Variants in DLG2 observed in about 807,000 individuals in gnomAD.
DLG2 encodes disks large homolog 2.
A neutral mutation model predicts 132.5 loss-of-function variants in DLG2; 45 were observed. The ratio of observed to expected loss-of-function variants is 0.34; its 90% CI spans 0.27 to 0.44. The LOEUF is 0.44. DLG2 is among the 20% of genes least tolerant of loss of function. The probability of loss-of-function intolerance (pLI) is 1.00; values close to 1 mark genes in which losing one functional copy is unlikely to be tolerated. For missense variants in DLG2, 1,045 were observed against 1,196.9 expected, an observed-to-expected ratio of 0.87 and a Z score of 1.87; for synonymous variants, 424 against 419.6, an observed-to-expected ratio of 1.01 and a Z score of -0.13.
At chr11:84,536,289 G>A (rs2154521233) in intron 6 of DLG2, among the ~76,000 whole-genome samples, 1 of 152,186 alleles carries the variant, frequency 6.6e-6, no homozygotes, top group Middle Eastern at 3.4e-3. Context: ...TAACTGACGG[G>A]CATAAGCGCC....
At chr11:85,302,656 A>AC (rs1336329815) in intron 3 of DLG2, among the ~76,000 whole-genome samples, 1 of 152,074 alleles carries the variant, frequency 6.6e-6, no homozygotes, top group African/African-American at 2.4e-5. Context: ...TAAAAAAAAA[A>AC]AAAAAAAAAC....
intron 14 of DLG2, among the ~76,000 whole-genome samples, chr11:83,945,684 T>G (rs2083663370): frequency 6.6e-6 from 1 of 152,162 alleles, no homozygotes; most frequent in South Asian, 2.1e-4. Flanking sequence ...GTTGTACAAA[T>G]TCTGTGTTTG....
At chr11:83,672,683 C>T (rs2077028087) in intron 18 of DLG2, among the ~76,000 whole-genome samples, 1 of 152,168 alleles carries the variant, frequency 6.6e-6, no homozygotes, top group Non-Finnish European at 1.5e-5. Flanking sequence ...TGGCATTTAT[C>T]AACCAGTATT....
intron 9 of DLG2, among the ~76,000 whole-genome samples, chr11:84,139,452 G>A (rs568074249): frequency 6.6e-6 from 1 of 152,214 alleles, no homozygotes; most frequent in South Asian, 2.1e-4. Context: ...AGAGATTGAC[G>A]CTGGTTTCTC....
intron 3 of DLG2, among the ~76,000 whole-genome samples, chr11:85,376,806 A>G (rs2085441213): frequency 6.6e-6 from 1 of 152,200 alleles, no homozygotes; most frequent in African/African-American, 2.4e-5. Flanking sequence ...CTGTGGTATG[A>G]TAGTGAGAGT....
At chr11:84,897,458 C>A (rs1375005573) in intron 6 of DLG2, among the ~76,000 whole-genome samples, 1 of 151,776 alleles carries the variant, frequency 6.6e-6, no homozygotes. Flanking sequence ...TGTTTCTCTC[C>A]TATTCTCCCA....
Position 84,841,008 on chromosome 11 carries a change from TA to T in DLG2, c.357+270652del, listed in dbSNP as rs1306327695. 2.7e-3 allele frequency among the ~76,000 whole-genome samples: 373 copies of T among 137,296 alleles called. 1 individual carries two copies. Among genetic ancestry groups the T allele is most frequent in the Non-Finnish European group, 4.5e-3 (283 of 62,654 alleles). 90.1% of individuals were successfully genotyped at this position (137,296 alleles called of 152,430 possible). On this transcript the variant is annotated intron_variant, in intron 6 of 27. Coordinates refer to ENST00000376104, the MANE Select transcript of DLG2 (RefSeq NM_001142699.3). ...TATAATAGTAAAAAAAAAAAAATAG[TA>T]AAAAAAAAAATGGAAACAGTAAGTA...
At chr11:83,948,365 G>C (rs2084596103) in intron 14 of DLG2, among the ~76,000 whole-genome samples, 1 of 152,090 alleles carries the variant, frequency 6.6e-6, no homozygotes. Flanking sequence ...AGTTCTTTCA[G>C]CAAATGCTTA....
chr11:84,959,710 CT>C (rs2052252177), intron 6 of DLG2, among the ~76,000 whole-genome samples: 1 of 152,102 alleles, frequency 6.6e-6, no homozygotes, highest in Non-Finnish European at 1.5e-5. Flanking sequence ...ATATTAATCA[CT>C]TATTTAATTG....
At chr11:84,084,914 C>T (rs2096955372) in intron 10 of DLG2, among the ~76,000 whole-genome samples, 1 of 152,126 alleles carries the variant, frequency 6.6e-6, no homozygotes, top group South Asian at 2.1e-4. Context: ...TGCTCCTTGG[C>T]TGTAAATCCC....
At chr11:85,040,169 C>A (rs979230680) in intron 6 of DLG2, among the ~76,000 whole-genome samples, 1 of 151,876 alleles carries the variant, frequency 6.6e-6, no homozygotes, top group African/African-American at 2.4e-5. Context: ...GTTGCATTTT[C>A]CCCTTTAAAC....
intron 6 of DLG2, among the ~76,000 whole-genome samples, chr11:84,861,789 G>C (rs1036960885): frequency 2.0e-5 from 3 of 151,862 alleles, no homozygotes; most frequent in African/African-American, 7.3e-5. Flanking sequence ...ATCAAAAAGT[G>C]GGCAAAGAAT....
intron 11 of DLG2, among the ~76,000 whole-genome samples, chr11:84,056,470 T>C (rs1265360391): frequency 6.6e-6 from 1 of 152,164 alleles, no homozygotes; most frequent in Non-Finnish European, 1.5e-5. Context: ...CATTTTCTGT[T>C]GCATTAAAGG....
At chr11:83,916,312 TTTTTTTG>T (rs2076915632) in intron 15 of DLG2, among the ~76,000 whole-genome samples, 1 of 151,974 alleles carries the variant, frequency 6.6e-6, no homozygotes, top group Non-Finnish European at 1.5e-5. Flanking sequence ...TTTAGGGTTT[TTTTTTTG>T]TTTTTTGTTT....
intron 6 of DLG2, among the ~76,000 whole-genome samples, chr11:84,994,598 T>C (rs2057454077): frequency 6.6e-6 from 1 of 151,990 alleles, no homozygotes; most frequent in Admixed American, 6.5e-5. Context: ...TTAAAATAAA[T>C]GAAAAAGTAA....
At chr11:83,584,149 CT>C (rs1404816629) in intron 19 of DLG2, among the ~76,000 whole-genome samples, 1 of 152,130 alleles carries the variant, frequency 6.6e-6, no homozygotes, top group Non-Finnish European at 1.5e-5. Context: ...CTATTATAGA[CT>C]TTTGTACTGA....
intron 6 of DLG2, among the ~76,000 whole-genome samples, chr11:84,650,320 C>T (rs893039831): frequency 3.3e-5 from 5 of 152,126 alleles, no homozygotes; most frequent in African/African-American, 1.2e-4. Context: ...TTCCTAATTA[C>T]CAAATGAAAA....
chr11:84,630,979 T>TTCTC (rs369904915), intron 6 of DLG2, among the ~76,000 whole-genome samples: 2,265 of 50,390 alleles, frequency 0.045, 55 homozygotes, highest in Middle Eastern at 0.06. Context: ...TTAAATGCAT[T>TTCTC]TCTCTCTCTC....
intron 3 of DLG2, among the ~76,000 whole-genome samples, chr11:85,438,074 A>C (rs1164239814): frequency 1.3e-5 from 2 of 152,188 alleles, no homozygotes; most frequent in Admixed American, 1.3e-4. Context: ...CTCATGGTGG[A>C]AGGCCAAGGG....
Sources: gnomAD v4.1 joint callset for allele counts (sites outside exome capture counted in the v4.1 genomes callset) on GRCh38, gnomAD v4.1.1 for gene constraint, MANE v1.5 for transcripts, NCBI Gene and HGNC (gene_info 2026-07-23, HGNC 2026-07-21) for gene names.